Variants in CALCB observed in about 807,000 individuals in gnomAD.
CALCB encodes calcitonin gene-related peptide 2.
A neutral mutation model predicts 10.7 loss-of-function variants in CALCB; 8 were observed. The ratio of observed to expected loss-of-function variants is 0.75; its 90% CI spans 0.44 to 1.34. CALCB has a LOEUF of 1.34. Among genes scored for constraint, CALCB ranks in the 40% most tolerant of loss-of-function variants. CALCB has a pLI of 0.01. For synonymous variants in CALCB, 76 were observed against 66.9 expected, an observed-to-expected ratio of 1.14 and a Z score of -0.66; for missense variants, 176 against 162.5, an observed-to-expected ratio of 1.08 and a Z score of -0.45.
intron 4 of CALCB, among the ~76,000 whole-genome samples, 183 bp from the exon 5 acceptor site, chr11:15,077,900 T>C (rs1850410574): frequency 6.6e-6 from 1 of 152,232 alleles, no homozygotes; most frequent in African/African-American, 2.4e-5. Flanking sequence ...ATAACCATAA[T>C]TCATAAATGC....
chr11:15,075,722 T>A (rs559735868), intron 3 of CALCB, among the ~76,000 whole-genome samples: 2 of 152,232 alleles, frequency 1.3e-5, no homozygotes, highest in South Asian at 2.1e-4. Context: ...GACAGAGCAG[T>A]GTCTGAGGTA....
At chr11:15,074,273 G>T (rs1449777458) in intron 1 of CALCB, among the ~76,000 whole-genome samples, 1 of 152,236 alleles carries the variant, frequency 6.6e-6, no homozygotes, top group Non-Finnish European at 1.5e-5. Context: ...ACTGAGAAAT[G>T]AGCGCTCCTT....
rs1401886041 is a variant in CALCB at position 15,078,365 on chromosome 11, C to T, written c.*308C>T. On this transcript the variant is annotated 3_prime_UTR_variant, in exon 5 of 5. Coordinates refer to ENST00000324229, the MANE Select transcript of CALCB (RefSeq NM_000728.4). Reference sequence around the variant, plus strand: ...GAGCCATCCTGTTGATCATGCAGCTCCACCAAACCTTAGGGGGACGTGAAA... The same window carrying T: ...GAGCCATCCTGTTGATCATGCAGCTTCACCAAACCTTAGGGGGACGTGAAA... 1.3e-5 allele frequency: 2 copies of T among 152,184 alleles called. No homozygotes were observed. Among genetic ancestry groups the T allele is most frequent in the African/African-American group, 2.4e-5 (1 of 41,452 alleles). The allele number at this position is 152,184 out of a possible 1,614,324, so 9.4% of individuals were successfully genotyped here. A position where few individuals can be genotyped will look rare whatever the true frequency, so the allele number is the denominator to read the frequency against.
At chr11:15,077,152 G>A (rs1205466763) in intron 3 of CALCB, 134 bp from the exon 4 acceptor site, 8 of 930,402 alleles carry the variant, frequency 8.6e-6, no homozygotes, top group Non-Finnish European at 1.3e-5. Context: ...TCCCCTAACA[G>A]CTTTGATAAT....
At position 15,077,587 on chromosome 11, in the gene CALCB, C is replaced by T. The variant is rs1391786794; in HGVS notation, c.*25+117C>T. On this transcript the variant is annotated intron_variant, in intron 4 of 4. Transcript: ENST00000324229. ...GTTCCTTCTGTCCAGTTACATTGTTCCTCCTGAGGCAGTGAGTTCTTTCTA... is the reference window on the plus strand; with the variant it reads ...GTTCCTTCTGTCCAGTTACATTGTTTCTCCTGAGGCAGTGAGTTCTTTCTA... The T allele has an allele frequency of 7.8e-6, 8 of 1,019,354 alleles. No individual in the cohort carries two copies. The East Asian group carries it at 1.8e-4, about 23-fold the overall frequency. 63.1% of individuals were successfully genotyped at this position (1,019,354 alleles called of 1,614,324 possible). A position where few individuals can be genotyped will look rare whatever the true frequency, so the allele number is the denominator to read the frequency against.
chr11:15,077,318 C>T lies in CALCB; in HGVS notation c.257C>T (p.Ala86Val). Residue 86 changes from alanine (A) to valine (V), a missense_variant, in exon 4 of 5, where the codon GCC becomes GTC. Transcript: ENST00000324229. ...GCCCAGAAGAGAGCCTGCAACACTG[C>T]CACCTGTGTGACTCATCGGCTGGCA... ...SAAQKRACNT[A>V]TCVTHRLAGL... 1 of 1,614,238 alleles carries T rather than the reference C, an allele frequency of 6.2e-7. No homozygotes were observed.
chr11:15,073,946 G>A (rs1850371021), intron 1 of CALCB, among the ~76,000 whole-genome samples: 1 of 152,252 alleles, frequency 6.6e-6, no homozygotes, highest in African/African-American at 2.4e-5. Context: ...CCTGGCGTTG[G>A]GGCCTGGCTG....
chr11:15,075,245 A>G (rs775296237), intron 3 of CALCB, 47 bp downstream of exon 3: 113 of 1,612,604 alleles, frequency 7.0e-5, no homozygotes, highest in Non-Finnish European at 9.1e-5. Flanking sequence ...TCCCCGCAGC[A>G]TACACAGGAA....
At chr11:15,074,667 A>T in intron 1 of CALCB, 43 bp from the exon 2 acceptor site, 1 of 1,476,272 alleles carries the variant, frequency 6.8e-7, no homozygotes, top group Non-Finnish European at 9.4e-7. Flanking sequence ...ACTGGAACCT[A>T]GATCTGTGCT....
rs373417852 is a variant in CALCB at position 15,075,010 on chromosome 11, A to T, written c.87-51A>T. On this transcript the variant is annotated intron_variant, in intron 2 of 4. Coordinates refer to ENST00000324229, the MANE Select transcript of CALCB (RefSeq NM_000728.4). Reference sequence around the variant, plus strand: ...GGAAGCCTGGCTGCCTATCCTGGGGAGGGTCAGTCAGGGGCTCACAGCCTG... The same window carrying T: ...GGAAGCCTGGCTGCCTATCCTGGGGTGGGTCAGTCAGGGGCTCACAGCCTG... 2.5e-6 allele frequency: 4 copies of T among 1,604,772 alleles called. No individual in the cohort carries two copies. The African/African-American group carries it at 4.0e-5, about 16-fold the overall frequency.
intron 1 of CALCB, among the ~76,000 whole-genome samples, chr11:15,074,307 C>A (rs1733114501): frequency 1.3e-5 from 2 of 152,246 alleles, no homozygotes; most frequent in South Asian, 4.1e-4. Context: ...TCCCACCTTC[C>A]CCTCGCATGC....
chr11:15,074,708 A>T lies in CALCB; in HGVS notation c.-9-2A>T. On this transcript the variant is annotated splice_acceptor_variant, in intron 1 of 4. Transcript: ENST00000324229. LOFTEE classifies it low-confidence loss of function (5UTR_SPLICE). ...AGTAGTAACGTCATCCTTCCTTTAC[A>T]GAGAGGCGGCATGGGTTTCCGGAAG... The T allele has an allele frequency of 1.2e-6, 2 of 1,611,834 alleles. No homozygotes were observed. The highest frequency in any genetic ancestry group is 1.7e-6 in the Non-Finnish European group (2 of 1,178,200).
chr11:15,074,742 C>A lies in CALCB; in HGVS notation c.24C>A (p.Pro8=). ...GCATGGGTTTCCGGAAGTTCTCCCC[C>A]TTCCTGGCTCTCAGTATCTTGGTCC... MGFRKFS[P]FLALSILVLY... The change falls in exon 2 of 5, where the codon CCC becomes CCA. Residue 8 remains proline, a synonymous_variant. Transcript: ENST00000324229. 1 of 1,614,176 alleles carries A rather than the reference C, an allele frequency of 6.2e-7. No individual in the cohort carries two copies. The highest frequency in any genetic ancestry group is 1.3e-5 in the African/African-American group (1 of 75,050).
chr11:15,076,531 A>T (rs1254929649), intron 3 of CALCB, among the ~76,000 whole-genome samples: 1 of 152,202 alleles, frequency 6.6e-6, no homozygotes, highest in Non-Finnish European at 1.5e-5. Flanking sequence ...GGACTTACTG[A>T]ACACATTAGA....
chr11:15,076,021 T>C (rs910241233), intron 3 of CALCB, among the ~76,000 whole-genome samples: 2 of 151,986 alleles, frequency 1.3e-5, no homozygotes, highest in Admixed American at 6.6e-5. Context: ...CCCTCTCACC[T>C]CTCCTAATGG....
In CALCB at chr11:15,078,295, A is replaced by G. The variant is rs1850413433; in HGVS notation, c.*238A>G. On this transcript the variant is annotated 3_prime_UTR_variant, in exon 5 of 5. Transcript: ENST00000324229. ...TTTAATTCTATGTCCAGTAAAAGTG[A>G]TGGCATCTCTCATTGACTTATCTGG... 6.6e-6 allele frequency: 1 copy of G among 152,196 alleles called. No individual in the cohort carries two copies. Among genetic ancestry groups the G allele is most frequent in the African/African-American group, 2.4e-5 (1 of 41,444 alleles). The allele number at this position is 152,196 out of a possible 1,614,324, so 9.4% of individuals were successfully genotyped here.
chr11:15,075,366 C>G (rs1850384742), intron 3 of CALCB, among the ~76,000 whole-genome samples, 168 bp downstream of exon 3: 1 of 152,174 alleles, frequency 6.6e-6, no homozygotes, highest in African/African-American at 2.4e-5. Context: ...CCCAGTGCAC[C>G]TGGAGGGACT....
At chr11:15,075,308 G>A in intron 3 of CALCB, 110 bp downstream of exon 3, 1 of 1,562,510 alleles carries the variant, frequency 6.4e-7, no homozygotes. Context: ...CCAGCAAGCT[G>A]ATTTGTCCAG....
In CALCB at chr11:15,074,846, C is replaced by A. The variant is rs1184241843; in HGVS notation, c.86+42C>A. On this transcript the variant is annotated intron_variant, in intron 2 of 4. Coordinates refer to ENST00000324229, the MANE Select transcript of CALCB (RefSeq NM_000728.4). ...CCAGAGGCGCCTTCTGCTCCCACTG[C>A]CCCTAGGACCAGACAGCTCTGTGCC... is the stretch of plus-strand genomic sequence containing the variant. The A allele has an allele frequency of 4.5e-6, 7 of 1,541,698 alleles. No homozygotes were observed. The African/African-American group carries it at 5.5e-5, about 12-fold the overall frequency.
Sources: allele counts gnomAD v4.1 joint callset (sites outside exome capture counted in the v4.1 genomes callset), GRCh38; gene constraint gnomAD v4.1.1; transcripts MANE v1.5; gene names NCBI Gene and HGNC (gene_info 2026-07-23, HGNC 2026-07-21).